UNC13A: variants seen among roughly 807,000 people sequenced by gnomAD.
UNC13A encodes unc-13 homolog A, also known as protein unc-13 homolog A.
Under a neutral mutation model 219.7 loss-of-function variants are expected in UNC13A, and 61 were observed. That is an observed-to-expected ratio of 0.28 (90% confidence interval 0.23 to 0.34). The LOEUF (loss-of-function observed/expected upper bound fraction) is 0.34. UNC13A is among the 10% of genes least tolerant of loss of function. The pLI, the probability that UNC13A is intolerant of heterozygous loss-of-function variation, is 1.00. For missense variants in UNC13A, 1,476 were observed against 2,270.3 expected (o/e 0.65, Z 7.11); for synonymous variants, 920 against 884.6 (o/e 1.04, Z -0.71).
rs1197901030 is a variant in UNC13A, at chr19:17,611,939, C to A, written c.4559-84G>T. The A allele has an allele frequency of 5.7e-6, 7 of 1,237,036 alleles. No individual in the cohort carries two copies. In the Admixed American group the frequency reaches 1.2e-4, roughly 22 times the overall value. The allele number at this position is 1,237,036 out of a possible 1,614,324, so 76.6% of individuals were successfully genotyped here. A position where few individuals can be genotyped will look rare whatever the true frequency, so the allele number is the denominator to read the frequency against. On this transcript the variant is annotated intron_variant, in intron 41 of 43. Coordinates refer to ENST00000519716, the MANE Select transcript of UNC13A (RefSeq NM_001080421.3). ...GGGACCTTGACGGCCTCCCACCCAC[C>A]TGTGCTGGCGGCACCAGGTCATCAG...
At chr19:17,663,441 C>T in intron 8 of UNC13A, 91 bp downstream of exon 8, 1 of 1,450,174 alleles carries the variant, frequency 6.9e-7, no homozygotes, top group Non-Finnish European at 9.6e-7. Flanking sequence ...CTCCTTGCTT[C>T]CCTGTGTGGT....
At chr19:17,622,870 T>G (rs2076743207) in intron 36 of UNC13A, 1 of 152,264 alleles carries the variant, frequency 6.6e-6, no homozygotes, top group East Asian at 1.9e-4. Context: ...AAACAGAGGC[T>G]GGGAGGTCAA....
At position 17,675,398 on chromosome 19, in the gene UNC13A, G is replaced by A. The variant is rs1017786923; in HGVS notation, c.52+614C>T. 4.6e-5 allele frequency among the ~76,000 whole-genome samples: 7 copies of A among 151,652 alleles called. No homozygotes were observed. In the East Asian group the frequency reaches 7.7e-4, roughly 17 times the overall value. ...TGCAATCCTAGCACTTTGGGAGGCC[G>A]AGGCGGGCGGATCATTTAAGGTCAG... On this transcript the variant is annotated intron_variant, in intron 2 of 43. Coordinates refer to ENST00000519716, the MANE Select transcript of UNC13A (RefSeq NM_001080421.3).
intron 23 of UNC13A, among the ~76,000 whole-genome samples, 153 bp downstream of exon 23, chr19:17,639,687 G>C (rs139409448): frequency 6.6e-6 from 1 of 152,174 alleles, no homozygotes; most frequent in Non-Finnish European, 1.5e-5. Flanking sequence ...AGCACATTAC[G>C]GCAGGTAGTG....
chr19:17,648,621 T>C lies in UNC13A; in HGVS notation c.1626A>G (p.Gln542=), dbSNP rs959578676. The C allele has an allele frequency of 5.0e-6, 8 of 1,610,276 alleles. No homozygotes were observed. The Admixed American group carries it at 1.2e-4, about 24-fold the overall frequency. Residue 542 remains glutamine, a synonymous_variant, in exon 16 of 44, where the codon CAA becomes CAG. Transcript: ENST00000519716. ...LKNHVYKKTL[Q]ALIYPISCTT... ...TGCACGAGATGGGGTAGATTAAGGC[T>C]TGCAGGGTCTTCTTGTAAACGTGGT... is the stretch of plus-strand genomic sequence containing the variant.
At chr19:17,661,619 G>A (rs369176189) in intron 8 of UNC13A, among the ~76,000 whole-genome samples, 37 of 152,098 alleles carry the variant, frequency 2.4e-4, no homozygotes, top group African/African-American at 8.2e-4. Flanking sequence ...GCTTGAACCC[G>A]GGAGGTGGAG....
At position 17,602,559 on chromosome 19, in the gene UNC13A, C is replaced by T. The variant is rs530304037; in HGVS notation, c.*3495G>A. 256 of 152,426 alleles carry T rather than the reference C, an allele frequency of 1.7e-3. No homozygotes were observed. The highest frequency in any genetic ancestry group is 5.8e-3 in the African/African-American group (241 of 41,578). The allele number at this position is 152,426 out of a possible 1,614,324, so 9.4% of individuals were successfully genotyped here. On this transcript the variant is annotated 3_prime_UTR_variant, in exon 44 of 44. Coordinates refer to ENST00000519716, the MANE Select transcript of UNC13A (RefSeq NM_001080421.3). ...CCTGGAGGTGTCATCCAAGGCCGGG[C>T]TCTGTGTCCACTTGCTGGGTGGCGT...
rs1299867029 is a variant in UNC13A, at chr19:17,610,072, T to G, written c.4679A>C (p.Gln1560Pro). The G allele has an allele frequency of 6.2e-7, 1 of 1,614,106 alleles. No individual in the cohort carries two copies. The highest frequency in any genetic ancestry group is 8.5e-7 in the Non-Finnish European group (1 of 1,179,910). Residue 1560 changes from glutamine (Q) to proline (P), a missense_variant, in exon 43 of 44, where the codon CAG (glutamine) becomes CCG (proline). By Grantham distance (76) the Gln-to-Pro change is moderately conservative (BLOSUM62 -1). Coordinates refer to ENST00000519716, the MANE Select transcript of UNC13A (RefSeq NM_001080421.3). ...GAACGGCCGGAAGATGCCAGAAGTC[T>G]GCCACTTGAGGTCATTGGCAGCCAC... Reference protein sequence around the residue: ...KVVAANDLKWQTSGIFRPFIE... With the variant: ...KVVAANDLKWPTSGIFRPFIE...
intron 41 of UNC13A, 84 bp from the exon 42 acceptor site, chr19:17,611,939 C>G: frequency 1.6e-6 from 2 of 1,237,154 alleles, no homozygotes; most frequent in Non-Finnish European, 2.4e-6. Flanking sequence ...TCCCACCCAC[C>G]TGTGCTGGCG....
chr19:17,619,357 T>TCC (rs2076702638), intron 38 of UNC13A, among the ~76,000 whole-genome samples: 1 of 151,580 alleles, frequency 6.6e-6, no homozygotes, highest in South Asian at 2.1e-4. Flanking sequence ...GGTCAAACAC[T>TCC]TCCTCCTCCT....
chr19:17,683,988 T>C (rs1035235384), intron 1 of UNC13A, among the ~76,000 whole-genome samples: 1 of 151,148 alleles, frequency 6.6e-6, no homozygotes, highest in Non-Finnish European at 1.5e-5. Flanking sequence ...CCCAGCTACT[T>C]GGGAGGCTGA....
intron 16 of UNC13A, 73 bp from the exon 17 acceptor site, chr19:17,647,565 G>A (rs2079259038): frequency 4.9e-6 from 7 of 1,438,826 alleles, no homozygotes; most frequent in East Asian, 2.4e-5. Context: ...CGAGAGCCCC[G>A]CCCCTACTCA....
At chr19:17,672,277 T>C (rs1321470939) in intron 4 of UNC13A, 101 bp downstream of exon 4, 16 of 920,734 alleles carry the variant, frequency 1.7e-5, no homozygotes, top group African/African-American at 3.3e-5. Flanking sequence ...ATTGATGTTG[T>C]CAGGGGATAG....
rs766801262 is a variant in UNC13A, at chr19:17,630,214, A to G, written c.3600T>C (p.Phe1200=). Reference sequence around the variant, plus strand: ...GACACTCGAGTTTCTTGATGATTTCAAAGCTCTGGTTGAGTTGGGAGAAAA... The same window carrying G: ...GACACTCGAGTTTCTTGATGATTTCGAAGCTCTGGTTGAGTTGGGAGAAAA... The part of the protein sequence containing the change: ...VDVFSQLNQS[F]EIIKKLECPD... Residue 1200 remains phenylalanine (F), a synonymous_variant, in exon 30 of 44, where the codon TTT becomes TTC. Transcript: ENST00000519716. 13 of 1,553,658 alleles carry G rather than the reference A, an allele frequency of 8.4e-6. No individual in the cohort carries two copies. The highest frequency in any genetic ancestry group is 2.4e-5 in the East Asian group (1 of 41,046).
Position 17,649,009 on chromosome 19 carries a change from CG to C in UNC13A, c.1525-27del, listed in dbSNP as rs754341998. 24 of 1,576,320 alleles carry C rather than the reference CG, an allele frequency of 1.5e-5. No individual in the cohort carries two copies. Among genetic ancestry groups the C allele is most frequent in the Middle Eastern group, 1.7e-4 (1 of 5,984 alleles). Reference sequence around the variant, plus strand: ...CTGGGGAGGTCACAGAAGAGGGAGTCGGGGGGGTTGACATCCATGAGATCAC... The same window carrying C: ...CTGGGGAGGTCACAGAAGAGGGAGTCGGGGGGTTGACATCCATGAGATCAC... On this transcript the variant is annotated intron_variant, in intron 14 of 43. Coordinates refer to ENST00000519716, the MANE Select transcript of UNC13A (RefSeq NM_001080421.3). The surrounding 1 kb of genome is among the most constrained non-coding windows in gnomAD (Gnocchi z 4.4).
intron 33 of UNC13A, 67 bp from the exon 34 acceptor site, chr19:17,626,852 G>A: frequency 6.5e-7 from 1 of 1,538,000 alleles, no homozygotes. Context: ...ATGCTGATCT[G>A]TGGTCCTTGA....
intron 26 of UNC13A, among the ~76,000 whole-genome samples, chr19:17,633,670 T>TATCC (rs921556890): frequency 1.1e-4 from 17 of 148,620 alleles, no homozygotes; most frequent in Non-Finnish European, 2.5e-4. Context: ...TCCATCCCTC[T>TATCC]ATCCATTCAT....
intron 37 of UNC13A, 75 bp from the exon 38 acceptor site, chr19:17,620,797 C>G: frequency 3.9e-6 from 6 of 1,544,528 alleles, no homozygotes; most frequent in Non-Finnish European, 5.3e-6. Context: ...TCCCTGCCCC[C>G]TCAAAGCACA....
chr19:17,630,033 T>A (rs1270533001), intron 30 of UNC13A, 112 bp downstream of exon 30: 50 of 1,231,238 alleles, frequency 4.1e-5, no homozygotes, highest in Non-Finnish European at 4.9e-5. Context: ...CCAACCTCAA[T>A]GACATCACCA....
Sources: allele counts gnomAD v4.1 joint callset (sites outside exome capture counted in the v4.1 genomes callset), GRCh38; gene constraint gnomAD v4.1.1; non-coding constraint Gnocchi (gnomAD v3.1); transcripts MANE v1.5; gene names NCBI Gene and HGNC (gene_info 2026-07-23, HGNC 2026-07-21).